CBX5: variants seen among roughly 807,000 people sequenced by gnomAD.
The protein encoded by CBX5 is chromobox protein homolog 5.
Under a neutral mutation model 20.7 loss-of-function variants are expected in CBX5, and 7 were observed. That is an observed-to-expected ratio of 0.34 (90% CI 0.19 to 0.63). The LOEUF (loss-of-function observed/expected upper bound fraction) is 0.63, where lower values mean the gene tolerates loss of function less well. Ranked by LOEUF, CBX5 falls within the 30% of genes least tolerant of loss-of-function variation. CBX5 has a pLI of 0.75. For synonymous variants in CBX5, 78 were observed against 77.0 expected (o/e 1.01, Z -0.07); for missense variants, 110 against 224.1 (o/e 0.49, Z 3.25).
rs997204064 is a variant in CBX5 at position 54,233,723 on chromosome 12, G to A, written c.*8032C>T. ...AGGCACGTGGATCACTTGAGCTCAC[G>A]AGTTGGAGACCAGCCTGGGCAACAC... On this transcript the variant is annotated 3_prime_UTR_variant, in exon 5 of 5. Coordinates refer to ENST00000209875, the MANE Select transcript of CBX5 (RefSeq NM_012117.3). The A allele has an allele frequency of 6.6e-6, 1 of 152,090 alleles. No individual in the cohort carries two copies. Among genetic ancestry groups the A allele is most frequent in the African/African-American group, 2.4e-5 (1 of 41,368 alleles). 9.4% of individuals were successfully genotyped at this position (152,090 alleles called of 1,614,324 possible). A position where few individuals can be genotyped will look rare whatever the true frequency, so the allele number is the denominator to read the frequency against.
chr12:54,257,809 C>T (rs923035383), intron 1 of CBX5, 117 bp from the exon 2 acceptor site: 25 of 675,390 alleles, frequency 3.7e-5, no homozygotes, highest in Admixed American at 3.4e-4. Flanking sequence ...GCTCTTGAGT[C>T]TCAAATCATT....
chr12:54,268,188 G>C (rs974779143), intron 1 of CBX5, among the ~76,000 whole-genome samples: 1 of 151,862 alleles, frequency 6.6e-6, no homozygotes, highest in Non-Finnish European at 1.5e-5. Flanking sequence ...GGCAGCTCCT[G>C]GGCCATGTAT....
chr12:54,251,764 G>C (rs1386343713), intron 3 of CBX5, among the ~76,000 whole-genome samples: 1 of 152,112 alleles, frequency 6.6e-6, no homozygotes, highest in Non-Finnish European at 1.5e-5. Flanking sequence ...AGATAACTAA[G>C]TCTTCTACTT....
intron 3 of CBX5, among the ~76,000 whole-genome samples, chr12:54,251,332 C>T (rs1198043807): frequency 3.6e-4 from 54 of 151,538 alleles, no homozygotes; most frequent in Non-Finnish European, 4.4e-5. Flanking sequence ...TCCTGGCTAA[C>T]ATGGTAAAAC....
chr12:54,240,757 G>GTCA lies in CBX5; in HGVS notation c.*995_*997dup. On this transcript the variant is annotated 3_prime_UTR_variant, in exon 5 of 5. Transcript: ENST00000209875. ...AACTCGGGTCCACTGAGAAGTGAGGGTCAGGTTTGAAGCCTCTTTGGTAAC... is the reference window on the plus strand; with the variant it reads ...AACTCGGGTCCACTGAGAAGTGAGGGTCATCAGGTTTGAAGCCTCTTTGGTAAC... The GTCA allele has an allele frequency of 6.6e-6, 1 of 152,074 alleles. No individual in the cohort carries two copies. Among genetic ancestry groups the GTCA allele is most frequent in the East Asian group, 1.9e-4 (1 of 5,192 alleles). 9.4% of individuals were successfully genotyped at this position (152,074 alleles called of 1,614,324 possible). A position where few individuals can be genotyped will look rare whatever the true frequency, so the allele number is the denominator to read the frequency against.
chr12:54,246,606 C>T (rs996850428), intron 3 of CBX5, among the ~76,000 whole-genome samples: 1 of 151,762 alleles, frequency 6.6e-6, no homozygotes, highest in African/African-American at 2.4e-5. Context: ...ATGGTGAAAC[C>T]CCATCTCTAC....
In CBX5 at chr12:54,236,733, C is replaced by A. The variant is rs4759348; in HGVS notation, c.*5022G>T. 1 of 152,080 alleles carries A rather than the reference C, an allele frequency of 6.6e-6. No homozygotes were observed. The highest frequency in any genetic ancestry group is 1.5e-5 in the Non-Finnish European group (1 of 68,026). 9.4% of individuals were successfully genotyped at this position (152,080 alleles called of 1,614,324 possible). On this transcript the variant is annotated 3_prime_UTR_variant, in exon 5 of 5. Transcript: ENST00000209875. The stretch of plus-strand genomic sequence containing the variant: ...AACCATTTCCACATTTCAGATCTAA[C>A]GGTGTTCTCATGACATTGCAAAGTA...
intron 1 of CBX5, among the ~76,000 whole-genome samples, chr12:54,262,257 G>A (rs1943920718): frequency 6.6e-6 from 1 of 152,214 alleles, no homozygotes. Flanking sequence ...AAACCTTTCA[G>A]AGAAAGAAAA....
chr12:54,233,616 T>C lies in CBX5; in HGVS notation c.*8139A>G, dbSNP rs559613855. The C allele has an allele frequency of 1.3e-5, 2 of 152,302 alleles. No homozygotes were observed. The highest frequency in any genetic ancestry group is 4.1e-4 in the South Asian group (2 of 4,828). The allele number at this position is 152,302 out of a possible 1,614,324, so 9.4% of individuals were successfully genotyped here. A position where few individuals can be genotyped will look rare whatever the true frequency, so the allele number is the denominator to read the frequency against. On this transcript the variant is annotated 3_prime_UTR_variant, in exon 5 of 5. Transcript: ENST00000209875. ...CATACAACAGAAACTCAAAAGATGA[T>C]TTATCAACACATACAGTAAAATGTT...
rs1943642317 is a variant in CBX5, at chr12:54,238,164, T to C, written c.*3591A>G. The C allele has an allele frequency of 1.3e-5, 2 of 152,156 alleles. 1 individual carries two copies. The highest frequency in any genetic ancestry group is 4.1e-4 in the South Asian group (2 of 4,824). 9.4% of individuals were successfully genotyped at this position (152,156 alleles called of 1,614,324 possible). ...AAGATTGTGCCACTGCACTCCAGCC[T>C]GGTGACAGAGCGAGACTCTGTCTAA... On this transcript the variant is annotated 3_prime_UTR_variant, in exon 5 of 5. Coordinates refer to ENST00000209875, the MANE Select transcript of CBX5 (RefSeq NM_012117.3).
intron 3 of CBX5, among the ~76,000 whole-genome samples, chr12:54,250,162 G>A (rs530426526): frequency 1.3e-5 from 2 of 152,296 alleles, no homozygotes; most frequent in South Asian, 4.1e-4. Context: ...GATGGAGGGT[G>A]CAGTGAGCCA....
chr12:54,263,304 T>C (rs2137025621), intron 1 of CBX5, among the ~76,000 whole-genome samples: 1 of 151,612 alleles, frequency 6.6e-6, no homozygotes, highest in African/African-American at 2.4e-5. Flanking sequence ...GAGGTTGCAG[T>C]GAGCCGAGAT....
At chr12:54,257,397 T>G (rs1943870946) in intron 2 of CBX5, 117 bp downstream of exon 2, 1 of 996,376 alleles carries the variant, frequency 1.0e-6, no homozygotes, top group Admixed American at 2.3e-5. Flanking sequence ...TTCTAACTCT[T>G]AGGAAGAGTG....
intron 3 of CBX5, among the ~76,000 whole-genome samples, chr12:54,247,027 G>T (rs1010137341): frequency 2.0e-5 from 3 of 151,762 alleles, no homozygotes; most frequent in Non-Finnish European, 2.9e-5. Context: ...CAATAATTTT[G>T]ACACATTTCA....
At chr12:54,270,181 T>C (rs1442999569) in intron 1 of CBX5, among the ~76,000 whole-genome samples, 1 of 152,254 alleles carries the variant, frequency 6.6e-6, no homozygotes, top group Non-Finnish European at 1.5e-5. Context: ...TTGTTCTTTT[T>C]CTAGGTTCAC....
At chr12:54,253,192 T>G (rs1190221603) in intron 2 of CBX5, among the ~76,000 whole-genome samples, 1 of 151,576 alleles carries the variant, frequency 6.6e-6, no homozygotes, top group East Asian at 2.0e-4. Flanking sequence ...TCCCAGCACT[T>G]TGAGAGGCAC....
chr12:54,275,494 G>A (rs1454961466), intron 1 of CBX5, among the ~76,000 whole-genome samples: 1 of 151,950 alleles, frequency 6.6e-6, no homozygotes, highest in Non-Finnish European at 1.5e-5. Flanking sequence ...GCCCGCCTCG[G>A]CCTCCCAAAG....
At chr12:54,268,456 C>T (rs1943978071) in intron 1 of CBX5, among the ~76,000 whole-genome samples, 3 of 152,272 alleles carry the variant, frequency 2.0e-5, no homozygotes, top group Non-Finnish European at 2.9e-5. Flanking sequence ...CTCAGACCAC[C>T]CAGCTCTTCA....
chr12:54,275,300 T>C lies in CBX5; in HGVS notation c.-43+4708A>G, dbSNP rs143781945. ...CTCTGTCACCCAGGCTGGAGTACAG[T>C]GGTGCAATCTCGGCTCACTGTAACC... On this transcript the variant is annotated intron_variant, in intron 1 of 4. Transcript: ENST00000209875. 2.1e-3 allele frequency among the ~76,000 whole-genome samples: 313 copies of C among 152,142 alleles called. 2 individuals carry two copies. Among genetic ancestry groups the C allele is most frequent in the African/African-American group, 7.2e-3 (298 of 41,530 alleles).
Sources: allele counts gnomAD v4.1 joint callset (sites outside exome capture counted in the v4.1 genomes callset), GRCh38; gene constraint gnomAD v4.1.1; transcripts MANE v1.5; gene names NCBI Gene and HGNC (gene_info 2026-07-23, HGNC 2026-07-21).